The following TENM3 variants were observed in gnomAD, a reference collection of about 807,000 sequenced individuals.
The protein encoded by TENM3 is teneurin-3.
In TENM3, 63 loss-of-function variants were observed where a neutral mutation model predicts 255.1. That is an observed-to-expected ratio of 0.25 (90% CI 0.20 to 0.30). TENM3 has a LOEUF of 0.30. TENM3 is among the 10% of genes least tolerant of loss of function. The pLI is 1.00. For synonymous variants in TENM3, 1,306 were observed against 1,322.3 expected (o/e 0.99, Z 0.27); for missense variants, 2,929 against 3,461.1 (o/e 0.85, Z 3.86).
At chr4:181,949,259 C>G in the TENM3 span, among the ~76,000 whole-genome samples, 1 of 152,156 alleles carries the variant, frequency 6.6e-6, no homozygotes, top group African/African-American at 2.4e-5. Context: ...GGATTTATTT[C>G]TAGACAGTAG....
At chr4:182,562,826 C>T (rs935752544) in intron 3 of TENM3, among the ~76,000 whole-genome samples, 1 of 152,170 alleles carries the variant, frequency 6.6e-6, no homozygotes, top group African/African-American at 2.4e-5. Flanking sequence ...TCCAGTCATG[C>T]AATCACAGTC....
In TENM3 at chr4:182,385,692, CA is replaced by C. The variant is rs774615997; in HGVS notation, c.511+38770del. On this transcript the variant is annotated intron_variant, in intron 3 of 27. Coordinates refer to ENST00000511685, the MANE Select transcript of TENM3 (RefSeq NM_001080477.4). ...AAAGTAAACTAAATGGGAAATGAAA[CA>C]AAAAAATTTCATATTTTAATGAATT... is the stretch of plus-strand genomic sequence containing the variant. Among the ~76,000 whole-genome samples, 9 of 152,110 alleles carry C rather than the reference CA, an allele frequency of 5.9e-5. No individual in the cohort carries two copies. In the East Asian group the frequency reaches 9.6e-4, roughly 16 times the overall value.
chr4:182,494,028 T>C (rs954190194), intron 3 of TENM3, among the ~76,000 whole-genome samples: 1 of 152,214 alleles, frequency 6.6e-6, no homozygotes, highest in African/African-American at 2.4e-5. Context: ...TTACTGCTAC[T>C]GTTTTTATAA....
the TENM3 span, among the ~76,000 whole-genome samples, chr4:181,501,404 A>T: frequency 6.8e-6 from 1 of 146,498 alleles, no homozygotes. Context: ...TTTAAGATGG[A>T]GTCTCGCACT....
chr4:181,586,913 A>C, the TENM3 span, among the ~76,000 whole-genome samples: 52,017 of 152,050 alleles, frequency 0.34, 10,191 homozygotes, highest in Non-Finnish European at 0.42. Context: ...TTTTCTTAAA[A>C]GAAATTTCTT....
At chr4:181,943,170 G>A in the TENM3 span, among the ~76,000 whole-genome samples, 5 of 152,124 alleles carry the variant, frequency 3.3e-5, no homozygotes, top group Non-Finnish European at 7.3e-5. Flanking sequence ...AGAGTCCCTG[G>A]ATCCCGGGTA....
chr4:182,460,218 A>G (rs1774228801), intron 3 of TENM3, among the ~76,000 whole-genome samples: 1 of 152,176 alleles, frequency 6.6e-6, no homozygotes, highest in Non-Finnish European at 1.5e-5. Flanking sequence ...AAATTGAATA[A>G]AGAAAGGTAC....
rs142486991 is a variant in TENM3 at position 182,501,412 on chromosome 4, C to T, written c.512-99512C>T. 4.9e-3 allele frequency among the ~76,000 whole-genome samples: 747 copies of T among 151,122 alleles called. 8 individuals carry two copies. Among genetic ancestry groups the T allele is most frequent in the African/African-American group, 0.017 (706 of 41,106 alleles). ...GGCAATTAATCTTATTACTACATGA[C>T]ATCTTAGGTATATTAACAGTGTTTT... is the stretch of plus-strand genomic sequence containing the variant. On this transcript the variant is annotated intron_variant, in intron 3 of 27. Transcript: ENST00000511685.
At chr4:182,417,765 C>T (rs949449573) in intron 3 of TENM3, among the ~76,000 whole-genome samples, 1 of 152,092 alleles carries the variant, frequency 6.6e-6, no homozygotes, top group Admixed American at 6.6e-5. Flanking sequence ...GAGTGAAAAT[C>T]CACCTCTAGG....
chr4:182,755,182 A>G lies in TENM3; in HGVS notation c.4815A>G (p.Leu1605=). 1 of 1,613,502 alleles carries G rather than the reference A, an allele frequency of 6.2e-7. No individual in the cohort carries two copies. The highest frequency in any genetic ancestry group is 8.5e-7 in the Non-Finnish European group (1 of 1,179,896). The change falls in exon 22 of 28, where the codon TTA becomes TTG. Residue 1605 remains leucine, a synonymous_variant. Coordinates refer to ENST00000511685, the MANE Select transcript of TENM3 (RefSeq NM_001080477.4). ...LKSMTAQGLE[L]VLFTYHGNSG... is the part of the protein sequence containing the mutation. ...GCATGACTGCTCAAGGACTGGAATT[A>G]GTTTTGTTTACTTACCATGGCAATA...
At chr4:181,808,220 G>A in the TENM3 span, among the ~76,000 whole-genome samples, 1,291 of 152,258 alleles carry the variant, frequency 8.5e-3, 21 homozygotes, top group African/African-American at 0.03. Context: ...ACATTGCAGC[G>A]AGGTACCATA....
At chr4:181,686,015 TG>T in the TENM3 span, among the ~76,000 whole-genome samples, 3 of 152,326 alleles carry the variant, frequency 2.0e-5, no homozygotes, top group African/African-American at 4.8e-5. Context: ...AAATGCAGGA[TG>T]ACAAATGAAA....
chr4:182,080,481 G>A, the TENM3 span, among the ~76,000 whole-genome samples: 7 of 152,160 alleles, frequency 4.6e-5, no homozygotes, highest in South Asian at 2.1e-4. Context: ...CCTCTAGGTA[G>A]TGAAACTAGT....
At chr4:182,530,419 G>A (rs766505363) in intron 3 of TENM3, among the ~76,000 whole-genome samples, 1 of 152,290 alleles carries the variant, frequency 6.6e-6, no homozygotes, top group Admixed American at 6.5e-5. Flanking sequence ...AGAAGGATAC[G>A]TGAAACAGAA....
chr4:182,385,262 CTT>C (rs397762118), intron 3 of TENM3, among the ~76,000 whole-genome samples: 3 of 112,096 alleles, frequency 2.7e-5, no homozygotes, highest in African/African-American at 3.4e-5. Context: ...TATTGTGCGT[CTT>C]TTTTTTTTTT....
At chr4:182,724,862 C>T (rs2152700489) in intron 13 of TENM3, among the ~76,000 whole-genome samples, 1 of 152,230 alleles carries the variant, frequency 6.6e-6, no homozygotes, top group African/African-American at 2.4e-5. Flanking sequence ...AAGGGAAAAC[C>T]TGCAAGAATA....
At chr4:181,689,714 G>T in the TENM3 span, among the ~76,000 whole-genome samples, 1 of 152,098 alleles carries the variant, frequency 6.6e-6, no homozygotes, top group African/African-American at 2.4e-5. Flanking sequence ...GAAGAGAAGG[G>T]GAATAAAAGT....
rs1431989541 is a variant in TENM3, at chr4:182,792,535, A to G, written c.5863A>G (p.Arg1955Gly). ...CTTATTCAAATACAGAAGGCAGACTAGGCTCTCAGAAATTTTATATGATAG... is the reference window on the plus strand; with the variant it reads ...CTTATTCAAATACAGAAGGCAGACTGGGCTCTCAGAAATTTTATATGATAG... Reference protein sequence around the residue: ...RVLFKYRRQTRLSEILYDSTR... With the variant: ...RVLFKYRRQTGLSEILYDSTR... The change falls in exon 26 of 28, where the codon AGG becomes GGG. Residue 1955 changes from arginine to glycine, a missense_variant. Transcript: ENST00000511685. This position sits in a 1 kb window ranked among gnomAD's most constrained non-coding sequence, Gnocchi z 6.3. 6.2e-7 allele frequency: 1 copy of G among 1,614,048 alleles called. No individual in the cohort carries two copies. The highest frequency in any genetic ancestry group is 2.2e-5 in the East Asian group (1 of 44,880).
intron 3 of TENM3, among the ~76,000 whole-genome samples, chr4:182,357,258 G>T (rs1580274148): frequency 6.6e-6 from 1 of 151,498 alleles, no homozygotes; most frequent in Non-Finnish European, 1.5e-5. Flanking sequence ...GGGTCAAATG[G>T]TATTTCTAGT....
Sources: allele counts gnomAD v4.1 joint callset (sites outside exome capture counted in the v4.1 genomes callset), GRCh38; gene constraint gnomAD v4.1.1; non-coding constraint Gnocchi (gnomAD v3.1); transcripts MANE v1.5; gene names NCBI Gene and HGNC (gene_info 2026-07-23, HGNC 2026-07-21).